The following LACTB2 variants were observed in gnomAD, a reference collection of about 807,000 sequenced individuals.
LACTB2 encodes endoribonuclease LACTB2.
A neutral mutation model predicts 34.8 loss-of-function variants in LACTB2; 32 were observed. That is an observed-to-expected ratio of 0.92 (90% confidence interval 0.69 to 1.24). The LOEUF is 1.24. Among genes scored for constraint, LACTB2 ranks in the 50% most tolerant of loss-of-function variants. LACTB2 has a pLI of 0.00. For missense variants in LACTB2, 320 were observed against 345.0 expected (o/e 0.93, Z 0.57); for synonymous variants, 120 against 117.5 (o/e 1.02, Z -0.14).
intron 3 of LACTB2, among the ~76,000 whole-genome samples, chr8:70,651,559 A>G (rs1402657000): frequency 6.6e-6 from 1 of 152,152 alleles, no homozygotes; most frequent in Non-Finnish European, 1.5e-5. Context: ...CACTTGTAGA[A>G]CCACTCTTCA....
intron 1 of LACTB2, among the ~76,000 whole-genome samples, chr8:70,665,069 A>G (rs1818521112): frequency 6.6e-6 from 1 of 152,238 alleles, no homozygotes; most frequent in African/African-American, 2.4e-5. Context: ...AAAAAATGTT[A>G]TCAGTTTCTC....
At chr8:70,641,437 A>G (rs1818198025) in intron 4 of LACTB2, among the ~76,000 whole-genome samples, 1 of 152,216 alleles carries the variant, frequency 6.6e-6, no homozygotes, top group South Asian at 2.1e-4. Flanking sequence ...AATCCCATGA[A>G]GTAGGTACAA....
chr8:70,643,635 C>T (rs1011843312), intron 4 of LACTB2, among the ~76,000 whole-genome samples: 2 of 152,042 alleles, frequency 1.3e-5, no homozygotes, highest in African/African-American at 4.8e-5. Flanking sequence ...CTGTCTCAGC[C>T]TCCCAAGTAG....
chr8:70,661,968 A>T (rs1818485784), intron 1 of LACTB2, 71 bp from the exon 2 acceptor site: 1 of 1,307,552 alleles, frequency 7.6e-7, no homozygotes, highest in Admixed American at 2.6e-5. Flanking sequence ...TTGCACACAG[A>T]TAATTTACAT....
chr8:70,645,050 T>TTTTATA (rs760117371), intron 3 of LACTB2, among the ~76,000 whole-genome samples: 1 of 151,370 alleles, frequency 6.6e-6, no homozygotes, highest in Non-Finnish European at 1.5e-5. Flanking sequence ...TTACATCATT[T>TTTTATA]TATATATATA....
intron 4 of LACTB2, among the ~76,000 whole-genome samples, chr8:70,641,316 AAC>A (rs1178124852): frequency 6.6e-6 from 1 of 152,210 alleles, no homozygotes; most frequent in African/African-American, 2.4e-5. Flanking sequence ...TTAACAATAA[AAC>A]ACAGCAATAA....
intron 2 of LACTB2, among the ~76,000 whole-genome samples, chr8:70,658,842 T>C (rs951997938): frequency 1.3e-5 from 2 of 151,992 alleles, no homozygotes; most frequent in African/African-American, 2.4e-5. Context: ...CTGGCCAACA[T>C]AGTGAAACCC....
intron 2 of LACTB2, chr8:70,660,895 A>C: frequency 2.2e-6 from 1 of 455,698 alleles, no homozygotes; most frequent in Non-Finnish European, 4.4e-6. Context: ...TGCCCACCTT[A>C]GCCTCCCGAG....
At chr8:70,642,641 G>A (rs993605218) in intron 4 of LACTB2, among the ~76,000 whole-genome samples, 2 of 151,604 alleles carry the variant, frequency 1.3e-5, no homozygotes, top group African/African-American at 4.8e-5. Context: ...CCACCAAGAC[G>A]CTTGGCTAAT....
chr8:70,668,428 A>C (rs187490800), intron 1 of LACTB2, among the ~76,000 whole-genome samples: 101 of 152,334 alleles, frequency 6.6e-4, no homozygotes, highest in African/African-American at 2.4e-3. Flanking sequence ...AATTAAACTC[A>C]AACAAGGTCA....
At chr8:70,641,766 A>G (rs1818201858) in intron 4 of LACTB2, among the ~76,000 whole-genome samples, 1 of 152,210 alleles carries the variant, frequency 6.6e-6, no homozygotes, top group African/African-American at 2.4e-5. Context: ...CCTTTAAGAC[A>G]GTACACATTA....
At position 70,640,890 on chromosome 8, in the gene LACTB2, A is replaced by G. The variant is rs2132067913; in HGVS notation, c.741+12T>C. On this transcript the variant is annotated intron_variant, in intron 5 of 6. Transcript: ENST00000276590. ...TTTGTGGCTACATACAAATAAGAAA[A>G]CTGAAAATTACCTTGTAAATAATTT... 6.4e-7 allele frequency: 1 copy of G among 1,563,838 alleles called. No homozygotes were observed. The highest frequency in any genetic ancestry group is 8.6e-7 in the Non-Finnish European group (1 of 1,159,010).
At chr8:70,646,623 T>C (rs945219748) in intron 3 of LACTB2, 3 of 151,672 alleles carry the variant, frequency 2.0e-5, no homozygotes, top group East Asian at 3.8e-4. Flanking sequence ...TCAGTTTTTG[T>C]TGACAAAACT....
At chr8:70,646,156 G>A (rs1000598970) in intron 3 of LACTB2, 2 of 152,172 alleles carry the variant, frequency 1.3e-5, no homozygotes, top group Admixed American at 6.5e-5. Context: ...TCCAGCACCT[G>A]TTGTTTCCTG....
At chr8:70,638,514 C>A in intron 6 of LACTB2, 34 bp downstream of exon 6, 3 of 1,510,256 alleles carry the variant, frequency 2.0e-6, no homozygotes, top group East Asian at 2.4e-5. Context: ...ATTTTAAATG[C>A]TGGTAATAGA....
intron 1 of LACTB2, chr8:70,663,403 T>C (rs1199993062): frequency 2.6e-5 from 4 of 152,206 alleles, no homozygotes; most frequent in Admixed American, 2.0e-4. Context: ...TCATAGCCCA[T>C]TGGCTTCTAT....
chr8:70,638,139 C>T (rs1818146842), intron 6 of LACTB2, among the ~76,000 whole-genome samples: 1 of 152,176 alleles, frequency 6.6e-6, no homozygotes, highest in African/African-American at 2.4e-5. Flanking sequence ...GTTTGACAAA[C>T]TAACACTAGA....
In LACTB2 at chr8:70,668,058, A is replaced by C. The variant is rs148137434; in HGVS notation, c.122+941T>G. 8.7e-3 allele frequency among the ~76,000 whole-genome samples: 1,332 copies of C among 152,256 alleles called. 18 individuals are homozygous for C. The highest frequency in any genetic ancestry group is 0.011 in the Non-Finnish European group (771 of 68,028). ...ACCCTGCCTTATTTACTCTGAACTT[A>C]ATCTTTTACCTGCCCACTTTGCAGG... On this transcript the variant is annotated intron_variant, in intron 1 of 6. Transcript: ENST00000276590.
At chr8:70,660,844 A>G (rs1322695927) in intron 2 of LACTB2, 1 of 455,484 alleles carries the variant, frequency 2.2e-6, no homozygotes, top group Non-Finnish European at 4.4e-6. Context: ...GTGGCACAAT[A>G]TTGGCTTACT....
Sources: allele counts gnomAD v4.1 joint callset (sites outside exome capture counted in the v4.1 genomes callset), GRCh38; gene constraint gnomAD v4.1.1; transcripts MANE v1.5; gene names NCBI Gene and HGNC (gene_info 2026-07-23, HGNC 2026-07-21).